The following SH3RF3 variants were observed in gnomAD, a reference collection of about 807,000 sequenced individuals.
The protein encoded by SH3RF3 is SH3 domain containing ring finger 3, also known as E3 ubiquitin-protein ligase SH3RF3.
A neutral mutation model predicts 66.3 loss-of-function variants in SH3RF3; 29 were observed. The ratio of observed to expected loss-of-function variants is 0.44; its 90% confidence interval spans 0.33 to 0.60. The LOEUF (loss-of-function observed/expected upper bound fraction) is 0.60, where lower values mean the gene tolerates loss of function less well. Ranked by LOEUF, SH3RF3 falls within the 20% of genes least tolerant of loss-of-function variation. The pLI, the probability that SH3RF3 is intolerant of heterozygous loss-of-function variation, is 0.04. For missense variants in SH3RF3, 1,194 were observed against 1,190.9 expected, an observed-to-expected ratio of 1.00 and a Z score of -0.04; for synonymous variants, 583 against 532.0, an observed-to-expected ratio of 1.10 and a Z score of -1.32.
rs1677221376 is a variant in SH3RF3, at chr2:109,151,359, AATGGT to A, written c.573+21247_573+21251del. Among the ~76,000 whole-genome samples, 5 of 152,186 alleles carry A rather than the reference AATGGT, an allele frequency of 3.3e-5. No individual in the cohort carries two copies. The South Asian group carries it at 1.0e-3, about 32-fold the overall frequency. On this transcript the variant is annotated intron_variant, in intron 1 of 9. Coordinates refer to ENST00000309415, the MANE Select transcript of SH3RF3 (RefSeq NM_001099289.3). ...GTCTCAGAAACATTCATGAAAAGCT[AATGGT>A]TTAACAGGTGTTCAAATAAACCATC...
chr2:109,183,326 A>T (rs1239586597), intron 1 of SH3RF3, among the ~76,000 whole-genome samples: 1 of 152,080 alleles, frequency 6.6e-6, no homozygotes, highest in Admixed American at 6.5e-5. Context: ...AAAGTAACTG[A>T]TAAGTGCTTT....
chr2:109,306,574 T>G (rs1036189323), intron 1 of SH3RF3, among the ~76,000 whole-genome samples: 17 of 152,192 alleles, frequency 1.1e-4, no homozygotes, highest in Middle Eastern at 3.2e-3. Context: ...GCTGGTGGTG[T>G]TCTCCAGGCA....
intron 1 of SH3RF3, among the ~76,000 whole-genome samples, chr2:109,132,339 T>TA (rs912436284): frequency 6.6e-5 from 10 of 152,088 alleles, no homozygotes; most frequent in Admixed American, 2.0e-4. Flanking sequence ...CAGCTTTATT[T>TA]AAAAAAAAGT....
intron 4 of SH3RF3, among the ~76,000 whole-genome samples, chr2:109,413,424 T>A (rs1261662183): frequency 6.6e-6 from 1 of 152,188 alleles, no homozygotes; most frequent in African/African-American, 2.4e-5. Context: ...TGTCTGGTTA[T>A]TTTAGGATTC....
chr2:109,431,405 C>T (rs1284397848), intron 5 of SH3RF3, among the ~76,000 whole-genome samples: 1 of 152,206 alleles, frequency 6.6e-6, no homozygotes, highest in Non-Finnish European at 1.5e-5. Context: ...CAAAACCAAC[C>T]TTCCCCAAAT....
At chr2:109,470,201 C>T (rs1202792916) in intron 8 of SH3RF3, among the ~76,000 whole-genome samples, 1 of 152,100 alleles carries the variant, frequency 6.6e-6, no homozygotes, top group Non-Finnish European at 1.5e-5. Context: ...GACCTCACTA[C>T]GTAAAGAGAT....
intron 1 of SH3RF3, among the ~76,000 whole-genome samples, chr2:109,196,968 A>G (rs975427657): frequency 3.3e-5 from 5 of 152,204 alleles, no homozygotes; most frequent in Non-Finnish European, 2.9e-5. Flanking sequence ...TGTGCTGGGC[A>G]CTGGGAACAG....
At chr2:109,386,799 G>A (rs115721574) in intron 3 of SH3RF3, among the ~76,000 whole-genome samples, 243 of 152,220 alleles carry the variant, frequency 1.6e-3, no homozygotes, top group African/African-American at 5.8e-3. Context: ...GAAACATCAT[G>A]CTCTTAAAAA....
intron 1 of SH3RF3, among the ~76,000 whole-genome samples, chr2:109,307,457 T>C (rs1255220880): frequency 6.7e-6 from 1 of 149,932 alleles, no homozygotes; most frequent in East Asian, 2.0e-4. Flanking sequence ...AGTTTTAGGG[T>C]ACATGTGCAC....
intron 1 of SH3RF3, among the ~76,000 whole-genome samples, chr2:109,273,130 T>C (rs536781504): frequency 3.9e-5 from 6 of 152,212 alleles, no homozygotes; most frequent in Non-Finnish European, 5.9e-5. Context: ...CTGGATGATT[T>C]AGGATGAATT....
At chr2:109,276,050 C>T (rs573910922) in intron 1 of SH3RF3, among the ~76,000 whole-genome samples, 1 of 152,226 alleles carries the variant, frequency 6.6e-6, no homozygotes, top group East Asian at 1.9e-4. Flanking sequence ...AGAGAGGAAC[C>T]CAGCAACCCT....
chr2:109,485,226 G>C (rs923907599), intron 8 of SH3RF3, among the ~76,000 whole-genome samples: 1 of 145,920 alleles, frequency 6.9e-6, no homozygotes, highest in Non-Finnish European at 1.5e-5. Flanking sequence ...CGGGAAATCT[G>C]TTTGAAAGAA....
chr2:109,355,748 C>T (rs1682933694), intron 2 of SH3RF3, among the ~76,000 whole-genome samples: 1 of 152,204 alleles, frequency 6.6e-6, no homozygotes. Flanking sequence ...ACTTAACACG[C>T]AGGTCCATGC....
chr2:109,209,521 G>A (rs949745365), intron 1 of SH3RF3, among the ~76,000 whole-genome samples: 4 of 152,156 alleles, frequency 2.6e-5, no homozygotes, highest in Non-Finnish European at 5.9e-5. Context: ...CAAGGGAGGC[G>A]AGAACTGTGC....
intron 9 of SH3RF3, among the ~76,000 whole-genome samples, chr2:109,499,500 G>A (rs943604564): frequency 1.3e-5 from 2 of 152,188 alleles, no homozygotes; most frequent in African/African-American, 4.8e-5. Context: ...AGGGCTGGGG[G>A]TGCAGGGGCC....
chr2:109,153,173 T>C (rs186882416), intron 1 of SH3RF3, among the ~76,000 whole-genome samples: 10 of 152,288 alleles, frequency 6.6e-5, no homozygotes, highest in Admixed American at 1.3e-4. Context: ...GCATCTAAAC[T>C]TATGCACTGC....
Position 109,435,725 on chromosome 2 carries a change from C to T in SH3RF3, c.1575-1168C>T, listed in dbSNP as rs553295283. 1.1e-4 allele frequency among the ~76,000 whole-genome samples: 16 copies of T among 152,330 alleles called. No homozygotes were observed. The South Asian group carries it at 3.3e-3, about 32-fold the overall frequency. On this transcript the variant is annotated intron_variant, in intron 6 of 9. Transcript: ENST00000309415. ...GTTGTGTTCAGACTTGTCAATATCA[C>T]CTTGCAAATTAGTGACTCATCATTT...
intron 1 of SH3RF3, among the ~76,000 whole-genome samples, chr2:109,218,169 C>T (rs1176224487): frequency 6.6e-6 from 1 of 151,596 alleles, no homozygotes. Flanking sequence ...AAAAAAAATC[C>T]TGCCTGGCCT....
At chr2:109,394,603 T>G (rs1316886818) in intron 3 of SH3RF3, among the ~76,000 whole-genome samples, 4 of 152,226 alleles carry the variant, frequency 2.6e-5, no homozygotes, top group African/African-American at 9.6e-5. Context: ...GAAAATGTGT[T>G]CTCTTTCCAT....
Sources: gnomAD v4.1 joint callset for allele counts (sites outside exome capture counted in the v4.1 genomes callset) on GRCh38, gnomAD v4.1.1 for gene constraint, MANE v1.5 for transcripts, NCBI Gene and HGNC (gene_info 2026-07-23, HGNC 2026-07-21) for gene names.